GPR158: variants seen among roughly 807,000 people sequenced by gnomAD.
GPR158 encodes the protein metabotropic glycine receptor.
In GPR158, 30 loss-of-function variants were observed where a neutral mutation model predicts 78.2. That is an observed-to-expected ratio of 0.38 (90% CI 0.29 to 0.52). The LOEUF (loss-of-function observed/expected upper bound fraction) is 0.52. Ranked by LOEUF, GPR158 falls within the 20% of genes least tolerant of loss-of-function variation. The pLI, the probability that GPR158 is intolerant of heterozygous loss-of-function variation, is 0.83. For missense variants in GPR158, 1,463 were observed against 1,523.5 expected (o/e 0.96, Z 0.66); for synonymous variants, 581 against 591.1 (o/e 0.98, Z 0.25).
chr10:25,241,133 C>CTTTCTTTCTT (rs1853600651), intron 2 of GPR158, among the ~76,000 whole-genome samples: 2 of 34,714 alleles, frequency 5.8e-5, no homozygotes, highest in Admixed American at 3.0e-4. Flanking sequence ...GATTTTCTTT[C>CTTTCTTTCTT]TTTCTTTCTT....
intron 5 of GPR158, among the ~76,000 whole-genome samples, chr10:25,549,683 C>T (rs935495328): frequency 1.3e-5 from 2 of 152,118 alleles, no homozygotes; most frequent in Non-Finnish European, 2.9e-5. Flanking sequence ...TTCTCCTTAA[C>T]ACTTTTGTCC....
intron 5 of GPR158, among the ~76,000 whole-genome samples, chr10:25,504,680 C>T (rs1388021615): frequency 6.6e-6 from 1 of 152,202 alleles, no homozygotes; most frequent in East Asian, 1.9e-4. Flanking sequence ...TAGGTGACAT[C>T]TCACCTCCTA....
At chr10:25,241,338 T>TCTCTTCTCTTCTC (rs1554787248) in intron 2 of GPR158, among the ~76,000 whole-genome samples, 8 of 110,852 alleles carry the variant, frequency 7.2e-5, no homozygotes, top group African/African-American at 3.2e-4. Context: ...TCTCTTCTCT[T>TCTCTTCTCTTCTC]TTCTCTTTTC....
At chr10:25,405,238 A>G (rs1026764099) in intron 3 of GPR158, among the ~76,000 whole-genome samples, 2 of 151,276 alleles carry the variant, frequency 1.3e-5, no homozygotes, top group African/African-American at 4.9e-5. Flanking sequence ...ATTTAGAAAT[A>G]ACATTTTCTA....
At chr10:25,249,497 A>G (rs1853757899) in intron 2 of GPR158, among the ~76,000 whole-genome samples, 1 of 151,614 alleles carries the variant, frequency 6.6e-6, no homozygotes, top group Admixed American at 6.6e-5. Context: ...TCAATACCTA[A>G]TTTATTGAGA....
At chr10:25,244,015 C>T (rs578223547) in intron 2 of GPR158, 2 of 152,208 alleles carry the variant, frequency 1.3e-5, no homozygotes, top group East Asian at 3.9e-4. Flanking sequence ...GTAAATATTT[C>T]CAGGCTTTTA....
At position 25,469,945 on chromosome 10, in the gene GPR158, A is replaced by G. The variant is rs11014573; in HGVS notation, c.1404+3226A>G. Among the ~76,000 whole-genome samples, 4,770 of 151,876 alleles carry G rather than the reference A, an allele frequency of 0.031. 795 individuals carry two copies. The East Asian group carries it at 0.54, about 17-fold the overall frequency. On this transcript the variant is annotated intron_variant, in intron 5 of 10. Transcript: ENST00000376351. Reference sequence around the variant, plus strand: ...CTTCCATGCTAGCCGCCTAGAATCTATTTTGAAAATGTCAGCCAGTTTTAA... The same window carrying G: ...CTTCCATGCTAGCCGCCTAGAATCTGTTTTGAAAATGTCAGCCAGTTTTAA...
intron 5 of GPR158, among the ~76,000 whole-genome samples, chr10:25,503,711 C>T (rs2130660794): frequency 6.6e-6 from 1 of 152,266 alleles, no homozygotes; most frequent in South Asian, 2.1e-4. Flanking sequence ...AAACCAAGTT[C>T]TTGTCCTGGC....
intron 2 of GPR158, among the ~76,000 whole-genome samples, chr10:25,269,767 G>T (rs1854092059): frequency 6.6e-6 from 1 of 152,176 alleles, no homozygotes; most frequent in African/African-American, 2.4e-5. Context: ...AGCTGATGTT[G>T]CCAGGCTCTG....
At chr10:25,228,759 T>C (rs1384612582) in intron 2 of GPR158, among the ~76,000 whole-genome samples, 6 of 151,996 alleles carry the variant, frequency 3.9e-5, no homozygotes, top group African/African-American at 7.2e-5. Context: ...AGGCCGGGCG[T>C]GGTGGCTCAC....
chr10:25,291,668 T>C (rs1432210786), intron 2 of GPR158, among the ~76,000 whole-genome samples: 1 of 151,912 alleles, frequency 6.6e-6, no homozygotes, highest in Non-Finnish European at 1.5e-5. Context: ...AACATCACAG[T>C]AAAATGAATG....
At chr10:25,321,498 G>A (rs1371862398) in intron 2 of GPR158, among the ~76,000 whole-genome samples, 2 of 152,206 alleles carry the variant, frequency 1.3e-5, no homozygotes, top group Non-Finnish European at 2.9e-5. Context: ...TCTGTAAGCT[G>A]TGTTTATACA....
chr10:25,273,400 CTTTTT>C (rs36068886), intron 2 of GPR158, among the ~76,000 whole-genome samples: 11 of 122,044 alleles, frequency 9.0e-5, no homozygotes, highest in African/African-American at 3.3e-4. Context: ...ACATTGGCAT[CTTTTT>C]TTTTTTTTTT....
chr10:25,207,715 G>A (rs1461149357), intron 1 of GPR158, among the ~76,000 whole-genome samples: 1 of 151,998 alleles, frequency 6.6e-6, no homozygotes, highest in Non-Finnish European at 1.5e-5. Context: ...AGGGGTTGAG[G>A]GACTCCTGGG....
At chr10:25,503,395 A>T (rs563573969) in intron 5 of GPR158, among the ~76,000 whole-genome samples, 5 of 152,284 alleles carry the variant, frequency 3.3e-5, no homozygotes, top group African/African-American at 1.2e-4. Context: ...TAGTTTAAAA[A>T]AAAATCCCAA....
chr10:25,298,936 G>GTACT, intron 2 of GPR158, among the ~76,000 whole-genome samples: 1 of 152,218 alleles, frequency 6.6e-6, no homozygotes, highest in South Asian at 2.1e-4. Flanking sequence ...TTTCGTTCTT[G>GTACT]TACTTAATTT....
At chr10:25,465,199 G>A (rs867999724) in intron 4 of GPR158, among the ~76,000 whole-genome samples, 12 of 151,900 alleles carry the variant, frequency 7.9e-5, no homozygotes, top group African/African-American at 2.9e-4. Flanking sequence ...TTTTTTTATT[G>A]TTACAAAATT....
intron 5 of GPR158, among the ~76,000 whole-genome samples, chr10:25,515,119 TCTTC>T (rs1255927172): frequency 2.0e-5 from 3 of 152,044 alleles, no homozygotes; most frequent in Non-Finnish European, 4.4e-5. Flanking sequence ...TCCAAACTTT[TCTTC>T]CTTAGGAACA....
At chr10:25,442,942 G>C (rs1835087987) in intron 4 of GPR158, among the ~76,000 whole-genome samples, 1 of 152,220 alleles carries the variant, frequency 6.6e-6, no homozygotes, top group African/African-American at 2.4e-5. Flanking sequence ...TTTAATACCA[G>C]TGCCTTCTCT....
Sources: gnomAD v4.1 joint callset for allele counts (sites outside exome capture counted in the v4.1 genomes callset) on GRCh38, gnomAD v4.1.1 for gene constraint, MANE v1.5 for transcripts, NCBI Gene and HGNC (gene_info 2026-07-23, HGNC 2026-07-21) for gene names.